Variants in CNKSR1 observed in about 807,000 individuals in gnomAD.
CNKSR1 encodes CNK homolog protein 1.
Under a neutral mutation model 95.6 loss-of-function variants are expected in CNKSR1, and 88 were observed. That is an observed-to-expected ratio of 0.92 (90% CI 0.78 to 1.10). CNKSR1 has a LOEUF of 1.10. Among genes scored for constraint, CNKSR1 ranks in the 50% least tolerant of loss-of-function variants. The probability of loss-of-function intolerance (pLI) is 0.00; values close to 1 mark genes in which losing one functional copy is unlikely to be tolerated. For missense variants in CNKSR1, 836 were observed against 912.0 expected, an observed-to-expected ratio of 0.92 and a Z score of 1.07; for synonymous variants, 355 against 369.7, an observed-to-expected ratio of 0.96 and a Z score of 0.46.
intron 6 of CNKSR1, 108 bp downstream of exon 6, chr1:26,182,692 G>A (rs753556873): frequency 2.1e-5 from 22 of 1,045,930 alleles, no homozygotes; most frequent in East Asian, 1.0e-4. Context: ...TGGCTGGAAA[G>A]CCTTTTTTGT....
At chr1:26,186,541 C>T (rs532263687) in intron 14 of CNKSR1, among the ~76,000 whole-genome samples, 1 of 152,322 alleles carries the variant, frequency 6.6e-6, no homozygotes, top group South Asian at 2.1e-4. Context: ...GTGGCGCAAT[C>T]GCAGCTCATG....
chr1:26,188,134 G>A, intron 16 of CNKSR1, 100 bp from the exon 17 acceptor site: 1 of 970,910 alleles, frequency 1.0e-6, no homozygotes, highest in Non-Finnish European at 1.6e-6. Context: ...TCTCAGAGTT[G>A]CTCTGAGGAT....
intron 11 of CNKSR1, 48 bp downstream of exon 11, chr1:26,184,335 C>T: frequency 6.2e-7 from 1 of 1,605,574 alleles, no homozygotes; most frequent in Non-Finnish European, 8.5e-7. Flanking sequence ...TCTGGGCACC[C>T]AGTTCTGACC....
Position 26,187,213 on chromosome 1 carries a change from G to A in CNKSR1, c.1354G>A (p.Glu452Lys), listed in dbSNP as rs1422444639. 6.2e-7 allele frequency: 1 copy of A among 1,614,098 alleles called. No homozygotes were observed. The highest frequency in any genetic ancestry group is 1.3e-5 in the African/African-American group (1 of 75,040). ...GLINVSNYSLESGHDQKKKYV... is the reference protein window; with the variant it reads ...GLINVSNYSLKSGHDQKKKYV... ...CATCAATGTCTCCAACTATAGTCTG[G>A]AAAGTGGACATGATCAGAAGAAGAA... Residue 452 changes from glutamate to lysine, a missense_variant, in exon 15 of 21, where the codon GAA becomes AAA. Coordinates refer to ENST00000361530, the MANE Select transcript of CNKSR1 (RefSeq NM_006314.3).
rs764127583 is a variant in CNKSR1, at chr1:26,187,118, C to T, written c.1309-50C>T. On this transcript the variant is annotated intron_variant, in intron 14 of 20. Coordinates refer to ENST00000361530, the MANE Select transcript of CNKSR1 (RefSeq NM_006314.3). ...AGGGGTAACTAGGAGCTGACTGGGC[C>T]TTGAGGGTATTGGGGTTCCAACCTG... 9 of 1,467,128 alleles carry T rather than the reference C, an allele frequency of 6.1e-6. No individual in the cohort carries two copies. The African/African-American group carries it at 1.3e-4, about 20-fold the overall frequency. The allele number at this position is 1,467,128 out of a possible 1,614,324, so 90.9% of individuals were successfully genotyped here.
At position 26,183,736 on chromosome 1, in the gene CNKSR1, G is replaced by T. The variant is rs1569879001; in HGVS notation, c.761G>T (p.Trp254Leu). The stretch of plus-strand genomic sequence containing the variant: ...AGTGTTTCTGTCCCCCAGGTGGGAT[G>T]GCCCCGTAAGAACATGGTGAGGGAA... ...VQINEQVVVG[W>L]PRKNMVRELL... The change falls in exon 9 of 21, where the codon TGG (tryptophan) becomes TTG (leucine). Residue 254 changes from tryptophan to leucine, a missense_variant. Trp to Leu is a moderately conservative substitution (Grantham distance 61, BLOSUM62 -2). Coordinates refer to ENST00000361530, the MANE Select transcript of CNKSR1 (RefSeq NM_006314.3). The T allele has an allele frequency of 6.2e-7, 1 of 1,612,004 alleles. No individual in the cohort carries two copies. The highest frequency in any genetic ancestry group is 8.5e-7 in the Non-Finnish European group (1 of 1,178,180).
intron 1 of CNKSR1, chr1:26,180,225 C>T (rs898955609): frequency 4.4e-5 from 26 of 591,980 alleles, no homozygotes; most frequent in Admixed American, 2.9e-4. Context: ...ACAAGTTCTC[C>T]GGTGAGTCTG....
In CNKSR1 at chr1:26,182,441, G is replaced by A. The variant is rs779395714; in HGVS notation, c.519+39G>A. 2.5e-5 allele frequency: 41 copies of A among 1,613,706 alleles called. No homozygotes were observed. The East Asian group carries it at 3.8e-4, about 15-fold the overall frequency. Reference sequence around the variant, plus strand: ...GTGGGAAGAGAGTGGGGGTAGGGGCGATCGGGCTCAGGCTACATAGCCCGC... The same window carrying A: ...GTGGGAAGAGAGTGGGGGTAGGGGCAATCGGGCTCAGGCTACATAGCCCGC... On this transcript the variant is annotated intron_variant, in intron 5 of 20. Transcript: ENST00000361530.
intron 3 of CNKSR1, chr1:26,181,143 T>G (rs145398434): frequency 4.3e-6 from 2 of 463,950 alleles, no homozygotes; most frequent in East Asian, 9.3e-5. Context: ...TAGCCAGGTG[T>G]GGTGGTGCGC....
intron 8 of CNKSR1, 86 bp downstream of exon 8, chr1:26,183,500 C>A (rs1307246023): frequency 4.9e-6 from 7 of 1,440,788 alleles, no homozygotes; most frequent in East Asian, 2.3e-5. Flanking sequence ...ACCAAGGGTT[C>A]TGACCAGGGT....
chr1:26,178,253 G>A (rs1259582281), intron 1 of CNKSR1, among the ~76,000 whole-genome samples: 2 of 152,162 alleles, frequency 1.3e-5, no homozygotes, highest in African/African-American at 4.8e-5. Context: ...CCAGTGGGCT[G>A]TTGTTAAATC....
intron 6 of CNKSR1, 75 bp downstream of exon 6, chr1:26,182,659 T>C: frequency 1.6e-6 from 2 of 1,290,154 alleles, no homozygotes; most frequent in Non-Finnish European, 1.1e-6. Flanking sequence ...GGGTCCAGGA[T>C]CCCACAGAAC....
At position 26,189,583 on chromosome 1, in the gene CNKSR1, C is replaced by G. The variant is rs371320891; in HGVS notation, c.*35C>G. On this transcript the variant is annotated 3_prime_UTR_variant, in exon 21 of 21. Transcript: ENST00000361530. ...GCACTCTAGCTCCTGACCTTTGACC[C>G]GAGGGCCACCTCAACCCCAGCTTCT... The G allele has an allele frequency of 8.6e-6, 9 of 1,050,636 alleles. No individual in the cohort carries two copies. Among genetic ancestry groups the G allele is most frequent in the African/African-American group, 1.6e-5 (1 of 63,924 alleles). The allele number at this position is 1,050,636 out of a possible 1,614,324, so 65.1% of individuals were successfully genotyped here.
Position 26,185,073 on chromosome 1 carries a change from T to A in CNKSR1, c.1195T>A (p.Cys399Ser). ...VSCRELGRPDCDGWLLLRKAP... is the reference protein window; with the variant it reads ...VSCRELGRPDSDGWLLLRKAP... ...ATGCCGTGAGCTGGGCCGGCCGGACTGTGACGGCTGGCTCCTGTTGCGAAA... is the reference window on the plus strand; with the variant it reads ...ATGCCGTGAGCTGGGCCGGCCGGACAGTGACGGCTGGCTCCTGTTGCGAAA... The change falls in exon 14 of 21, where the codon TGT becomes AGT. Residue 399 changes from cysteine to serine, a missense_variant. By Grantham distance (112) the Cys-to-Ser change is moderately radical. Transcript: ENST00000361530. 6.2e-7 allele frequency: 1 copy of A among 1,605,970 alleles called. No homozygotes were observed. Among genetic ancestry groups the A allele is most frequent in the Non-Finnish European group, 8.5e-7 (1 of 1,178,374 alleles).
At chr1:26,186,928 T>TTGG in intron 14 of CNKSR1, 1 of 472,396 alleles carries the variant, frequency 2.1e-6, no homozygotes, top group Non-Finnish European at 3.8e-6. Flanking sequence ...TTTTTTTTTT[T>TTGG]GGCTGTTTCT....
In CNKSR1 at chr1:26,184,303, C is replaced by T. The variant is rs1019664538; in HGVS notation, c.1000+16C>T. The T allele has an allele frequency of 8.7e-6, 14 of 1,612,876 alleles. No individual in the cohort carries two copies. The highest frequency in any genetic ancestry group is 1.2e-5 in the Non-Finnish European group (14 of 1,179,024). On this transcript the variant is annotated intron_variant, in intron 11 of 20. Transcript: ENST00000361530. ...GCCTGGACAGGTAGTCTCAAAGCTC[C>T]ATGGATGCCCCGGACACGGCATCTG...
chr1:26,184,620 G>T lies in CNKSR1; in HGVS notation c.1135+8G>T, dbSNP rs1238454544. ...GTCGGAAGAAATCAAAAGGTATGAG[G>T]TGCGCTGGACTAGGTGGGGGTTCCC... is the stretch of plus-strand genomic sequence containing the variant. On this transcript the variant is annotated splice_region_variant and intron_variant, in intron 13 of 20. Coordinates refer to ENST00000361530, the MANE Select transcript of CNKSR1 (RefSeq NM_006314.3). 1.3e-6 allele frequency: 2 copies of T among 1,597,854 alleles called. No individual in the cohort carries two copies. Among genetic ancestry groups the T allele is most frequent in the East Asian group, 4.5e-5 (2 of 44,526 alleles).
At chr1:26,182,668 A>G (rs2088667409) in intron 6 of CNKSR1, 84 bp downstream of exon 6, 1 of 1,216,192 alleles carries the variant, frequency 8.2e-7, no homozygotes, top group African/African-American at 1.5e-5. Context: ...ATCCCACAGA[A>G]CCCTGTGCTG....
rs1020673149 is a variant in CNKSR1 at position 26,182,645 on chromosome 1, A to G, written c.624+61A>G. On this transcript the variant is annotated intron_variant, in intron 6 of 20. Transcript: ENST00000361530. ...CTTGGCAGCCTTGTCTGGGCCCTGA[A>G]ATAGGGTCCAGGATCCCACAGAACC... The G allele has an allele frequency of 7.8e-6, 11 of 1,405,072 alleles. No individual in the cohort carries two copies. In the African/African-American group the frequency reaches 1.6e-4, roughly 20 times the overall value. 87.0% of individuals were successfully genotyped at this position (1,405,072 alleles called of 1,614,324 possible).
Sources: allele counts gnomAD v4.1 joint callset (sites outside exome capture counted in the v4.1 genomes callset), GRCh38; gene constraint gnomAD v4.1.1; transcripts MANE v1.5; gene names NCBI Gene and HGNC (gene_info 2026-07-23, HGNC 2026-07-21).